The following NUP58 variants were observed in gnomAD, a reference collection of about 807,000 sequenced individuals.
NUP58 encodes the protein nucleoporin 58.
Under a neutral mutation model 70.1 loss-of-function variants are expected in NUP58, and 17 were observed. The observed-to-expected ratio is 0.24, with a 90% CI of 0.17 to 0.36. The LOEUF is 0.36. NUP58 is among the 10% of genes least tolerant of loss of function. The pLI is 1.00. For synonymous variants in NUP58, 275 were observed against 257.6 expected, an observed-to-expected ratio of 1.07 and a Z score of -0.65; for missense variants, 644 against 701.5, an observed-to-expected ratio of 0.92 and a Z score of 0.93.
intron 15 of NUP58, 62 bp from the exon 16 acceptor site, chr13:25,339,903 G>GT (rs2031902705): frequency 4.9e-6 from 7 of 1,416,838 alleles, no homozygotes; most frequent in Non-Finnish European, 6.7e-6. Flanking sequence ...GCTCCTCCCT[G>GT]TTTTTATATT....
rs2031919857 is a variant in NUP58, at chr13:25,340,415, AACTT to A, written c.*285_*288del. ...TAATGGTTAGAAACCATTAACCTAA[AACTT>A]ACTATTTAACCTAGTGTTTTTGTTG... On this transcript the variant is annotated 3_prime_UTR_variant, in exon 16 of 16. Coordinates refer to ENST00000381736, the MANE Select transcript of NUP58 (RefSeq NM_014089.4). 3.9e-6 allele frequency: 1 copy of A among 254,046 alleles called. No homozygotes were observed. Among genetic ancestry groups the A allele is most frequent in the African/African-American group, 2.2e-5 (1 of 44,446 alleles). The allele number at this position is 254,046 out of a possible 1,614,324, so 15.7% of individuals were successfully genotyped here.
intron 9 of NUP58, among the ~76,000 whole-genome samples, chr13:25,321,520 G>A (rs2031183833): frequency 6.6e-6 from 1 of 152,174 alleles, no homozygotes; most frequent in Admixed American, 6.5e-5. Flanking sequence ...AACATAGCTA[G>A]TCAGAAAATA....
chr13:25,328,731 T>G (rs1469609249), intron 12 of NUP58, among the ~76,000 whole-genome samples: 1 of 152,180 alleles, frequency 6.6e-6, no homozygotes, highest in Non-Finnish European at 1.5e-5. Context: ...ACGTTAGTTT[T>G]AAAAATGTAT....
intron 13 of NUP58, chr13:25,333,527 T>C: frequency 1.0e-6 from 1 of 985,332 alleles, no homozygotes. Context: ...TCGCTTTGAA[T>C]TGTATGAATT....
At chr13:25,339,553 G>A (rs994424389) in intron 15 of NUP58, among the ~76,000 whole-genome samples, 6 of 152,132 alleles carry the variant, frequency 3.9e-5, no homozygotes, top group Admixed American at 3.9e-4. Flanking sequence ...GAACATTGTG[G>A]GTTGAAGCTT....
At chr13:25,336,612 A>G (rs1282548871) in intron 13 of NUP58, among the ~76,000 whole-genome samples, 1 of 152,222 alleles carries the variant, frequency 6.6e-6, no homozygotes, top group African/African-American at 2.4e-5. Flanking sequence ...ATCTAAAGGA[A>G]TGATAATTTA....
chr13:25,311,066 C>T (rs982757276), intron 3 of NUP58, among the ~76,000 whole-genome samples: 7 of 152,072 alleles, frequency 4.6e-5, no homozygotes, highest in Non-Finnish European at 8.8e-5. Context: ...CCATGAAAGG[C>T]AGAGGAAGAA....
intron 13 of NUP58, chr13:25,334,499 T>C (rs2031716026): frequency 8.1e-6 from 8 of 985,164 alleles, no homozygotes; most frequent in Non-Finnish European, 9.6e-6. Flanking sequence ...AAGTATTTCA[T>C]CTTAGTTTCT....
chr13:25,334,573 G>A, intron 13 of NUP58: 1 of 985,102 alleles, frequency 1.0e-6, no homozygotes, highest in Non-Finnish European at 1.2e-6. Context: ...ATCAGTAAGA[G>A]TAAAATTTTT....
intron 1 of NUP58, among the ~76,000 whole-genome samples, chr13:25,304,058 A>G (rs2030168563): frequency 6.6e-6 from 1 of 152,194 alleles, no homozygotes; most frequent in Non-Finnish European, 1.5e-5. Flanking sequence ...GAGTTCTCAC[A>G]TCTGGAAAAG....
At chr13:25,338,154 T>A (rs1055032335) in intron 14 of NUP58, among the ~76,000 whole-genome samples, 12 of 152,194 alleles carry the variant, frequency 7.9e-5, no homozygotes, top group Non-Finnish European at 1.6e-4. Flanking sequence ...ATGCAGAGTT[T>A]TTCAGCGTTT....
At chr13:25,342,706 G>C (rs1256476336), downstream of NUP58, among the ~76,000 whole-genome samples, 5 of 152,022 alleles carry the variant, frequency 3.3e-5, no homozygotes, top group African/African-American at 1.2e-4. Context: ...CAGTCTGATG[G>C]TTTGATATGT....
chr13:25,347,079 C>A (rs1487724712), downstream of NUP58, among the ~76,000 whole-genome samples: 3 of 151,940 alleles, frequency 2.0e-5, no homozygotes, highest in Non-Finnish European at 4.4e-5. Context: ...ATACACATAG[C>A]CTGAGGGTAA....
Position 25,340,060 on chromosome 13 carries a change from G to A in NUP58, c.1726G>A (p.Ala576Thr). The A allele has an allele frequency of 6.2e-7, 1 of 1,613,850 alleles. No homozygotes were observed. The highest frequency in any genetic ancestry group is 8.5e-7 in the Non-Finnish European group (1 of 1,179,916). Residue 576 changes from alanine (A) to threonine (T), a missense_variant, in exon 16 of 16, where the codon GCA becomes ACA. Transcript: ENST00000381736. ...TTTTGGGGTGTCCAATCCTGCCTCT[G>A]CAGGTTTTGGAACAGGAGGACAACT... ...LTFGVSNPAS[A>T]GFGTGGQLLQ...
chr13:25,347,971 A>G (rs1201243227), intron 3 of NUP58, among the ~76,000 whole-genome samples: 1 of 152,208 alleles, frequency 6.6e-6, no homozygotes, highest in African/African-American at 2.4e-5. Context: ...AAATCCTGAT[A>G]ATAAACATAT....
chr13:25,327,981 A>G lies in NUP58; in HGVS notation c.1233+469A>G, dbSNP rs59673775. On this transcript the variant is annotated intron_variant, in intron 12 of 15. Transcript: ENST00000381736. The stretch of plus-strand genomic sequence containing the variant: ...TTTGGGAGGCCGAGGCGGGCGAATC[A>G]CAAAGTCAGGAGTTCAAGACCAGCC... Among the ~76,000 whole-genome samples the G allele has an allele frequency of 5.0e-3, 754 of 152,182 alleles. 4 individuals carry two copies. Among genetic ancestry groups the G allele is most frequent in the African/African-American group, 0.017 (706 of 41,524 alleles).
At chr13:25,336,264 T>C (rs1412292286) in intron 13 of NUP58, 1 of 1,365,260 alleles carries the variant, frequency 7.3e-7, no homozygotes, top group Admixed American at 1.9e-5. Flanking sequence ...CAATTATCAC[T>C]TTTTGTGAAC....
rs750670699 is a variant in NUP58 at position 25,336,247 on chromosome 13, T to C, written c.1436-689T>C. ...GGTGTAATGTAGCAGAGCTTAAGAATAGAACTCAATTATCACTTTTTGTGA... is the reference window on the plus strand; with the variant it reads ...GGTGTAATGTAGCAGAGCTTAAGAACAGAACTCAATTATCACTTTTTGTGA... On this transcript the variant is annotated intron_variant, in intron 13 of 15. Coordinates refer to ENST00000381736, the MANE Select transcript of NUP58 (RefSeq NM_014089.4). 2.9e-6 allele frequency: 4 copies of C among 1,366,924 alleles called. No homozygotes were observed. In the Admixed American group the frequency reaches 7.6e-5, roughly 26 times the overall value. The allele number at this position is 1,366,924 out of a possible 1,614,324, so 84.7% of individuals were successfully genotyped here.
chr13:25,333,048 T>C, intron 13 of NUP58: 1 of 984,698 alleles, frequency 1.0e-6, no homozygotes, highest in Non-Finnish European at 1.2e-6. Context: ...ATGTCAGTTA[T>C]ATAAAAAGTT....
Sources: allele counts gnomAD v4.1 joint callset (sites outside exome capture counted in the v4.1 genomes callset), GRCh38; gene constraint gnomAD v4.1.1; transcripts MANE v1.5; gene names NCBI Gene and HGNC (gene_info 2026-07-23, HGNC 2026-07-21).